Variants in ROBO2 observed in about 807,000 individuals in gnomAD.
ROBO2 encodes the protein roundabout guidance receptor 2.
A neutral mutation model predicts 160.8 loss-of-function variants in ROBO2; 53 were observed. That is an observed-to-expected ratio of 0.33 (90% CI 0.26 to 0.41). The LOEUF (loss-of-function observed/expected upper bound fraction) is 0.41, where lower values mean the gene tolerates loss of function less well. Ranked by LOEUF, ROBO2 falls within the 10% of genes least tolerant of loss-of-function variation. The probability of loss-of-function intolerance (pLI) is 1.00; values close to 1 mark genes in which losing one functional copy is unlikely to be tolerated. For synonymous variants in ROBO2, 664 were observed against 611.7 expected (o/e 1.09, Z -1.26); for missense variants, 1,577 against 1,722.4 (o/e 0.92, Z 1.49).
chr3:76,222,131 C>T (rs1261002803), intron 2 of ROBO2, among the ~76,000 whole-genome samples: 1 of 152,142 alleles, frequency 6.6e-6, no homozygotes, highest in Non-Finnish European at 1.5e-5. Flanking sequence ...ACCTTCATCC[C>T]TGCCACCATG....
intron 2 of ROBO2, among the ~76,000 whole-genome samples, chr3:76,388,908 A>G (rs2077021831): frequency 6.6e-6 from 1 of 152,154 alleles, no homozygotes; most frequent in Admixed American, 6.5e-5. Context: ...GCCTTAAAAA[A>G]TCTTTTCAAT....
intron 1 of ROBO2, among the ~76,000 whole-genome samples, chr3:77,061,107 T>G (rs2149767062): frequency 6.6e-6 from 1 of 152,294 alleles, no homozygotes; most frequent in East Asian, 1.9e-4. Flanking sequence ...TCATTCTTTT[T>G]TAATTTTATA....
chr3:77,266,875 C>T (rs1354353263), intron 2 of ROBO2, among the ~76,000 whole-genome samples: 1 of 151,944 alleles, frequency 6.6e-6, no homozygotes, highest in Non-Finnish European at 1.5e-5. Flanking sequence ...CTCTTTTTTT[C>T]CCATTTCTCT....
intron 2 of ROBO2, among the ~76,000 whole-genome samples, chr3:76,412,694 C>G (rs2075556489): frequency 6.6e-6 from 1 of 152,216 alleles, no homozygotes; most frequent in African/African-American, 2.4e-5. Flanking sequence ...GCGGTGGATT[C>G]CCATGGTCTT....
chr3:77,090,624 G>C (rs2150016487), intron 1 of ROBO2, among the ~76,000 whole-genome samples: 1 of 152,124 alleles, frequency 6.6e-6, no homozygotes, highest in East Asian at 1.9e-4. Context: ...AAAGTGTTGG[G>C]ATTACAGGTG....
intron 2 of ROBO2, among the ~76,000 whole-genome samples, chr3:76,814,825 G>T (rs182764749): frequency 6.6e-6 from 1 of 151,904 alleles, no homozygotes; most frequent in Admixed American, 6.6e-5. Flanking sequence ...AATAATTTCT[G>T]GAAAAAAATA....
At chr3:77,518,946 A>G (rs1421165072) in intron 5 of ROBO2, among the ~76,000 whole-genome samples, 1 of 151,526 alleles carries the variant, frequency 6.6e-6, no homozygotes. Context: ...AACCTGGCCC[A>G]TGTCACCAGA....
intron 2 of ROBO2, among the ~76,000 whole-genome samples, chr3:76,393,779 C>T (rs1172701194): frequency 6.6e-6 from 1 of 152,116 alleles, no homozygotes; most frequent in Non-Finnish European, 1.5e-5. Context: ...GTCTTTAGGA[C>T]TCATGTCAGT....
intron 2 of ROBO2, among the ~76,000 whole-genome samples, chr3:76,721,564 C>T (rs1421504857): frequency 1.3e-5 from 2 of 152,128 alleles, no homozygotes; most frequent in Non-Finnish European, 2.9e-5. Flanking sequence ...CAGCCTGATT[C>T]TGTTGTGTGG....
chr3:76,627,686 AG>A (rs1234537601), intron 2 of ROBO2, among the ~76,000 whole-genome samples: 6 of 131,660 alleles, frequency 4.6e-5, no homozygotes, highest in African/African-American at 1.7e-4. Context: ...AAGGAAAAAA[AG>A]TGCAATGAAC....
intron 2 of ROBO2, among the ~76,000 whole-genome samples, chr3:77,433,727 G>A (rs2079022791): frequency 6.6e-6 from 1 of 151,502 alleles, no homozygotes; most frequent in African/African-American, 2.4e-5. Flanking sequence ...TACCTACTTG[G>A]AAACATTTCC....
At chr3:76,502,320 A>T (rs1211495876) in intron 2 of ROBO2, among the ~76,000 whole-genome samples, 1 of 152,142 alleles carries the variant, frequency 6.6e-6, no homozygotes, top group Non-Finnish European at 1.5e-5. Context: ...CTTGACTGTT[A>T]TGTCACCCAA....
At chr3:76,186,228 T>C (rs1340560654) in intron 2 of ROBO2, among the ~76,000 whole-genome samples, 1 of 151,978 alleles carries the variant, frequency 6.6e-6, no homozygotes, top group East Asian at 1.9e-4. Flanking sequence ...CCACCATGCC[T>C]GACCCACAGA....
At chr3:76,870,693 C>T (rs1166975) in intron 2 of ROBO2, among the ~76,000 whole-genome samples, 15,801 of 152,070 alleles carry the variant, frequency 0.1, 901 homozygotes, top group South Asian at 0.13. Context: ...CAGTTTCCTT[C>T]CCCTACATCT....
At chr3:76,091,709 C>T (rs2069243831) in intron 2 of ROBO2, among the ~76,000 whole-genome samples, 1 of 152,082 alleles carries the variant, frequency 6.6e-6, no homozygotes, top group South Asian at 2.1e-4. Context: ...TGTAAATAAA[C>T]TGTGGTACTT....
chr3:76,556,107 T>TA (rs1560143051), intron 2 of ROBO2, among the ~76,000 whole-genome samples: 2 of 146,398 alleles, frequency 1.4e-5, no homozygotes, highest in Admixed American at 6.8e-5. Context: ...CTCCAAAAAA[T>TA]AAAAAATAAA....
At chr3:77,447,899 G>A (rs2080721222) in intron 2 of ROBO2, among the ~76,000 whole-genome samples, 1 of 152,090 alleles carries the variant, frequency 6.6e-6, no homozygotes, top group South Asian at 2.1e-4. Context: ...AGCTACTCAA[G>A]GTCATATGTG....
intron 2 of ROBO2, among the ~76,000 whole-genome samples, chr3:77,282,854 G>A (rs1202065961): frequency 3.3e-5 from 5 of 151,212 alleles, no homozygotes; most frequent in African/African-American, 1.2e-4. Flanking sequence ...TAGAGTGAAC[G>A]CTTTACTAGC....
chr3:76,000,007 C>A lies in ROBO2; in HGVS notation c.109+62405C>A, dbSNP rs2065836696. Among the ~76,000 whole-genome samples the A allele has an allele frequency of 1.5e-4, 23 of 152,006 alleles. No individual in the cohort carries two copies. In the South Asian group the frequency reaches 4.8e-3, roughly 32 times the overall value. ...ATTTATAAGCAAATATGTTTATATC[C>A]AAATATTTGGGCATTTTGTATAATT... is the stretch of plus-strand genomic sequence containing the variant. On this transcript the variant is annotated intron_variant, in intron 2 of 26. Coordinates refer to the ROBO2 transcript ENST00000487694.
Sources: gnomAD v4.1 joint callset for allele counts (sites outside exome capture counted in the v4.1 genomes callset) on GRCh38, gnomAD v4.1.1 for gene constraint, MANE v1.5 for transcripts, NCBI Gene and HGNC (gene_info 2026-07-23, HGNC 2026-07-21) for gene names.